MYO9A: variants seen among roughly 807,000 people sequenced by gnomAD.
The protein encoded by MYO9A is myosin IXA, also known as unconventional myosin-IXa.
MYO9A carries 103 observed loss-of-function variants against 293.3 expected under a neutral mutation model. The observed-to-expected ratio is 0.35, with a 90% CI of 0.30 to 0.41. The LOEUF (loss-of-function observed/expected upper bound fraction) is 0.41, where lower values mean the gene tolerates loss of function less well. Among genes scored for constraint, MYO9A ranks in the 10% least tolerant of loss-of-function variants. MYO9A has a pLI of 1.00. For missense variants in MYO9A, 2,685 were observed against 3,033.0 expected (o/e 0.89, Z 2.69); for synonymous variants, 1,001 against 1,035.7 (o/e 0.97, Z 0.64).
intron 1 of MYO9A, among the ~76,000 whole-genome samples, chr15:72,091,107 G>A (rs1200123367): frequency 2.6e-5 from 4 of 152,046 alleles, no homozygotes; most frequent in South Asian, 2.1e-4. Context: ...GCTGAGGCAG[G>A]AGGATCACTG....
intron 18 of MYO9A, among the ~76,000 whole-genome samples, chr15:71,932,031 T>C (rs1200396507): frequency 2.0e-5 from 3 of 152,156 alleles, no homozygotes; most frequent in Non-Finnish European, 4.4e-5. Flanking sequence ...CTGCTGCCTT[T>C]GTTTTTTGTT....
chr15:71,902,139 C>CGA (rs1452919499), intron 22 of MYO9A, among the ~76,000 whole-genome samples: 1 of 151,898 alleles, frequency 6.6e-6, no homozygotes, highest in Admixed American at 6.6e-5. Flanking sequence ...CAAAAGATCC[C>CGA]ACCTGAGTAA....
rs369252041 is a variant in MYO9A, at chr15:71,850,094, G to A, written c.6655C>T (p.Arg2219Cys). ...LAIVFAPCIL[R>C]CPDTTDPLQS... ...AGTGGGTCAGTGGTGTCAGGGCAGC[G>A]GAGAATGCAGGGCGCAAACACAATG... is the stretch of plus-strand genomic sequence containing the variant. The change falls in exon 38 of 42, where the codon CGC becomes TGC. Residue 2219 changes from arginine (R) to cysteine (C), a missense_variant. Around this residue, in one of 10 missense-constraint regions of MYO9A, gnomAD observed 238 missense variants for 269.1 expected, o/e 0.88. Transcript: ENST00000356056. 14 of 1,613,972 alleles carry A rather than the reference G, an allele frequency of 8.7e-6. No individual in the cohort carries two copies. The highest frequency in any genetic ancestry group is 2.2e-5 in the South Asian group (2 of 91,084).
chr15:71,879,886 A>C, intron 29 of MYO9A, 49 bp from the exon 30 acceptor site: 1 of 1,240,284 alleles, frequency 8.1e-7, no homozygotes, highest in Non-Finnish European at 1.2e-6. Context: ...AATTGAAAAG[A>C]AGTAAATACA....
intron 39 of MYO9A, among the ~76,000 whole-genome samples, chr15:71,842,968 T>C (rs1366540913): frequency 6.6e-6 from 1 of 151,962 alleles, no homozygotes; most frequent in Non-Finnish European, 1.5e-5. Context: ...GTTAGACTCT[T>C]TTAGTTAAAA....
intron 39 of MYO9A, among the ~76,000 whole-genome samples, chr15:71,836,777 G>T (rs1365324955): frequency 6.6e-6 from 1 of 151,984 alleles, no homozygotes; most frequent in Non-Finnish European, 1.5e-5. Context: ...AGTGCTCAGG[G>T]ATACATATTT....
chr15:72,099,162 AG>A (rs1257506318), intron 1 of MYO9A, among the ~76,000 whole-genome samples: 4 of 152,086 alleles, frequency 2.6e-5, no homozygotes, highest in African/African-American at 9.7e-5. Flanking sequence ...GGTCCAGGCC[AG>A]GGGCAGGGCC....
intron 39 of MYO9A, among the ~76,000 whole-genome samples, chr15:71,846,591 G>C (rs1287569894): frequency 4.6e-5 from 7 of 152,184 alleles, no homozygotes; most frequent in Non-Finnish European, 1.0e-4. Context: ...TAAGGTAACT[G>C]ATATCTAATG....
chr15:72,002,715 G>A (rs991217708), intron 8 of MYO9A, among the ~76,000 whole-genome samples: 1 of 152,106 alleles, frequency 6.6e-6, no homozygotes, highest in East Asian at 1.9e-4. Context: ...AGAAACAAGA[G>A]TAGGAATGAT....
chr15:71,870,275 T>C (rs1391792924), intron 32 of MYO9A, among the ~76,000 whole-genome samples: 1 of 150,406 alleles, frequency 6.6e-6, no homozygotes, highest in African/African-American at 2.4e-5. Flanking sequence ...AAAGGAGTAA[T>C]TAAATGGTTC....
At chr15:71,991,714 G>A (rs986405032) in intron 10 of MYO9A, among the ~76,000 whole-genome samples, 3 of 152,192 alleles carry the variant, frequency 2.0e-5, no homozygotes, top group African/African-American at 7.2e-5. Context: ...TATTTTATCA[G>A]CCTCATGAAG....
intron 39 of MYO9A, among the ~76,000 whole-genome samples, chr15:71,836,092 C>G (rs1254612072): frequency 6.6e-6 from 1 of 151,874 alleles, no homozygotes; most frequent in Non-Finnish European, 1.5e-5. Context: ...AGGAAAAAAG[C>G]AAACCATAGA....
intron 27 of MYO9A, among the ~76,000 whole-genome samples, chr15:71,885,010 T>C (rs2056980737): frequency 6.6e-6 from 1 of 151,262 alleles, no homozygotes; most frequent in African/African-American, 2.4e-5. Flanking sequence ...CATATATTTA[T>C]ACATTAAAAA....
At chr15:71,939,246 GGTTT>G (rs775097983) in intron 15 of MYO9A, among the ~76,000 whole-genome samples, 1 of 152,110 alleles carries the variant, frequency 6.6e-6, no homozygotes, top group Non-Finnish European at 1.5e-5. Context: ...TACACATGAA[GGTTT>G]GTTACAAAGG....
chr15:72,095,693 C>T (rs1452799706), intron 1 of MYO9A, among the ~76,000 whole-genome samples: 3 of 92,846 alleles, frequency 3.2e-5, no homozygotes, highest in African/African-American at 7.7e-5. Context: ...AAAGAACAGG[C>T]TGCCTCTCCT....
intron 9 of MYO9A, 99 bp downstream of exon 9, chr15:71,999,752 C>G (rs1207325314): frequency 2.5e-6 from 2 of 798,326 alleles, no homozygotes; most frequent in Non-Finnish European, 2.0e-6. Context: ...AAACTTTTTG[C>G]CATTGTCATT....
intron 12 of MYO9A, 41 bp from the exon 13 acceptor site, chr15:71,968,166 T>C: frequency 1.3e-6 from 2 of 1,489,884 alleles, no homozygotes; most frequent in Non-Finnish European, 1.8e-6. Flanking sequence ...TACAGAAAGA[T>C]GAGAAAGATG....
chr15:71,909,592 A>G (rs200713511), intron 19 of MYO9A, among the ~76,000 whole-genome samples: 1 of 152,250 alleles, frequency 6.6e-6, no homozygotes, highest in East Asian at 1.9e-4. Context: ...ATACTTTAGT[A>G]TTCCATATTA....
chr15:71,979,963 C>A (rs567435159), intron 11 of MYO9A, among the ~76,000 whole-genome samples: 1 of 152,260 alleles, frequency 6.6e-6, no homozygotes, highest in East Asian at 1.9e-4. Context: ...AGAATCACTG[C>A]TGTAGAGTAT....
Sources: allele counts gnomAD v4.1 joint callset (sites outside exome capture counted in the v4.1 genomes callset), GRCh38; gene constraint gnomAD v4.1.1; regional missense constraint gnomAD v4.1.1; transcripts MANE v1.5; gene names NCBI Gene and HGNC (gene_info 2026-07-23, HGNC 2026-07-21).